CA8: variants seen among roughly 807,000 people sequenced by gnomAD.
CA8 encodes carbonic anhydrase 8 (inactive).
CA8 carries 22 observed loss-of-function variants against 41.4 expected under a neutral mutation model. The ratio of observed to expected loss-of-function variants is 0.53; its 90% CI spans 0.38 to 0.76. CA8 has a LOEUF of 0.76. Among genes scored for constraint, CA8 ranks in the 30% least tolerant of loss-of-function variants. The pLI is 0.00. For missense variants in CA8, 270 were observed against 352.8 expected, an observed-to-expected ratio of 0.77 and a Z score of 1.88; for synonymous variants, 121 against 130.6, an observed-to-expected ratio of 0.93 and a Z score of 0.50.
Position 60,226,947 on chromosome 8 carries a change from A to G in CA8, c.514-12T>C. The G allele has an allele frequency of 6.3e-7, 1 of 1,590,748 alleles. No homozygotes were observed. The highest frequency in any genetic ancestry group is 8.6e-7 in the Non-Finnish European group (1 of 1,159,368). ...TGTTCCTTTCCTATCTGAAAAACATAAAGCATAAACCACAACCACAACATT... is the reference window on the plus strand; with the variant it reads ...TGTTCCTTTCCTATCTGAAAAACATGAAGCATAAACCACAACCACAACATT... On this transcript the variant is annotated splice_polypyrimidine_tract_variant and intron_variant, in intron 4 of 8. Transcript: ENST00000317995.
intron 2 of CA8, among the ~76,000 whole-genome samples, chr8:60,272,425 T>C (rs548378732): frequency 5.3e-5 from 8 of 152,268 alleles, no homozygotes; most frequent in African/African-American, 1.2e-4. Flanking sequence ...CTTTAGCCTC[T>C]GTGCAGAGTC....
chr8:60,222,883 T>G, intron 6 of CA8, 122 bp from the exon 7 acceptor site: 1 of 716,986 alleles, frequency 1.4e-6, no homozygotes, highest in East Asian at 2.7e-5. Flanking sequence ...TGGATGTCAT[T>G]TTTAAACTAG....
At chr8:60,208,695 T>A in intron 8 of CA8, 55 bp downstream of exon 8, 3 of 1,439,664 alleles carry the variant, frequency 2.1e-6, no homozygotes, top group Non-Finnish European at 2.0e-6. Flanking sequence ...GTACCTTTGG[T>A]ACGCTAGGTT....
chr8:60,260,753 T>C (rs1395428226), intron 3 of CA8, among the ~76,000 whole-genome samples: 6 of 152,198 alleles, frequency 3.9e-5, no homozygotes, highest in African/African-American at 1.4e-4. Context: ...ATATCTTGTA[T>C]CTAATCTTCA....
intron 3 of CA8, among the ~76,000 whole-genome samples, chr8:60,256,280 C>T (rs1010070083): frequency 6.6e-6 from 1 of 152,124 alleles, no homozygotes; most frequent in Non-Finnish European, 1.5e-5. Flanking sequence ...TCCTTATGTA[C>T]TAATGAAGGA....
chr8:60,258,229 A>G (rs938096253), intron 3 of CA8, among the ~76,000 whole-genome samples: 1 of 152,196 alleles, frequency 6.6e-6, no homozygotes, highest in African/African-American at 2.4e-5. Flanking sequence ...TAACAGTCCT[A>G]AAGTGTAGAA....
At chr8:60,191,554 G>A (rs1806130952) in intron 8 of CA8, among the ~76,000 whole-genome samples, 1 of 152,066 alleles carries the variant, frequency 6.6e-6, no homozygotes, top group Non-Finnish European at 1.5e-5. Flanking sequence ...GCTCTAATAT[G>A]CTGATGTGCA....
At chr8:60,253,015 A>C (rs1193627325) in intron 3 of CA8, among the ~76,000 whole-genome samples, 5 of 152,036 alleles carry the variant, frequency 3.3e-5, no homozygotes, top group Admixed American at 2.0e-4. Context: ...AGACCACTTG[A>C]GGTCAGGAGT....
At chr8:60,225,770 C>T (rs942805259) in intron 5 of CA8, among the ~76,000 whole-genome samples, 1 of 152,198 alleles carries the variant, frequency 6.6e-6, no homozygotes, top group Non-Finnish European at 1.5e-5. Context: ...GACTACTTCC[C>T]CTCCCCAAGG....
At chr8:60,221,721 G>A (rs1271283186) in intron 7 of CA8, among the ~76,000 whole-genome samples, 1 of 152,068 alleles carries the variant, frequency 6.6e-6, no homozygotes, top group Non-Finnish European at 1.5e-5. Flanking sequence ...AGGCTGAGTG[G>A]GGAAATTTTT....
intron 3 of CA8, among the ~76,000 whole-genome samples, chr8:60,241,803 C>T (rs1017719823): frequency 4.0e-5 from 6 of 150,532 alleles, no homozygotes; most frequent in Admixed American, 3.3e-4. Context: ...GCTATAACTT[C>T]CCTACTTCAT....
intron 3 of CA8, among the ~76,000 whole-genome samples, chr8:60,246,715 T>A (rs1346653650): frequency 6.6e-6 from 1 of 152,120 alleles, no homozygotes; most frequent in Non-Finnish European, 1.5e-5. Context: ...ATAATGTAAC[T>A]CAGAAGAAAA....
At chr8:60,230,740 C>A (rs560997914) in intron 4 of CA8, among the ~76,000 whole-genome samples, 2 of 152,214 alleles carry the variant, frequency 1.3e-5, no homozygotes, top group South Asian at 4.1e-4. Context: ...GCTCTCCAGG[C>A]TTTCCCTTCC....
At chr8:60,271,535 T>A (rs1039267076) in intron 2 of CA8, among the ~76,000 whole-genome samples, 1 of 152,178 alleles carries the variant, frequency 6.6e-6, no homozygotes. Context: ...GGGGGAAAAG[T>A]AGGATTAATA....
intron 8 of CA8, among the ~76,000 whole-genome samples, chr8:60,207,382 G>A (rs1437742410): frequency 1.3e-5 from 2 of 152,266 alleles, no homozygotes; most frequent in East Asian, 1.9e-4. Context: ...ACCCAGACTT[G>A]TTTTCTGTTC....
chr8:60,187,307 T>G lies in CA8; in HGVS notation c.*2714A>C, dbSNP rs1805991515. On this transcript the variant is annotated 3_prime_UTR_variant, in exon 9 of 9. Coordinates refer to ENST00000317995, the MANE Select transcript of CA8 (RefSeq NM_004056.6). ...AAACAAAAACATGGCATACCAAAACTTATTGGATGCAGCTAAAGCAATGCT... is the reference window on the plus strand; with the variant it reads ...AAACAAAAACATGGCATACCAAAACGTATTGGATGCAGCTAAAGCAATGCT... 1 of 152,048 alleles carries G rather than the reference T, an allele frequency of 6.6e-6. No homozygotes were observed. The highest frequency in any genetic ancestry group is 1.5e-5 in the Non-Finnish European group (1 of 67,946). The allele number at this position is 152,048 out of a possible 1,614,324, so 9.4% of individuals were successfully genotyped here.
At chr8:60,228,765 C>T (rs1344692679) in intron 4 of CA8, among the ~76,000 whole-genome samples, 1 of 152,222 alleles carries the variant, frequency 6.6e-6, no homozygotes, top group African/African-American at 2.4e-5. Flanking sequence ...GGATGCCCTA[C>T]AGCATCAAAT....
At chr8:60,259,740 C>CTT (rs1203317962) in intron 3 of CA8, among the ~76,000 whole-genome samples, 5 of 138,250 alleles carry the variant, frequency 3.6e-5, no homozygotes, top group Admixed American at 1.5e-4. Context: ...AATTTGTTTG[C>CTT]TTTTTTTTTT....
intron 3 of CA8, among the ~76,000 whole-genome samples, chr8:60,234,865 C>T (rs548488948): frequency 3.3e-5 from 5 of 152,248 alleles, no homozygotes; most frequent in African/African-American, 7.2e-5. Context: ...AAGGTCCTTT[C>T]TCTCATTTTC....
Sources: allele counts gnomAD v4.1 joint callset (sites outside exome capture counted in the v4.1 genomes callset), GRCh38; gene constraint gnomAD v4.1.1; transcripts MANE v1.5; gene names NCBI Gene and HGNC (gene_info 2026-07-23, HGNC 2026-07-21).